CIB4: variants seen among roughly 807,000 people sequenced by gnomAD.
The protein encoded by CIB4 is calcium and integrin-binding family member 4.
Under a neutral mutation model 25.8 loss-of-function variants are expected in CIB4, and 25 were observed. The ratio of observed to expected loss-of-function variants is 0.97; its 90% CI spans 0.71 to 1.35. The LOEUF is 1.35. Among genes scored for constraint, CIB4 ranks in the 40% most tolerant of loss-of-function variants. CIB4 has a pLI of 0.00. For synonymous variants in CIB4, 75 were observed against 81.4 expected (o/e 0.92, Z 0.42); for missense variants, 235 against 228.2 (o/e 1.03, Z -0.19).
At chr2:26,606,490 C>T (rs1408839391) in intron 3 of CIB4, among the ~76,000 whole-genome samples, 1 of 152,132 alleles carries the variant, frequency 6.6e-6, no homozygotes, top group East Asian at 1.9e-4. Context: ...AGAGGACTCC[C>T]CCCTCCTCCC....
chr2:26,617,832 CAGG>C, intron 3 of CIB4, among the ~76,000 whole-genome samples: 1 of 152,286 alleles, frequency 6.6e-6, no homozygotes, highest in East Asian at 1.9e-4. Context: ...TCGTGACAGC[CAGG>C]AGGTCAGGCA....
At chr2:26,603,496 T>A (rs183494497) in intron 3 of CIB4, among the ~76,000 whole-genome samples, 1 of 152,294 alleles carries the variant, frequency 6.6e-6, no homozygotes, top group Admixed American at 6.5e-5. Flanking sequence ...AGGTACACAG[T>A]CTTGTCTTAC....
chr2:26,603,122 G>C (rs1467412527), intron 3 of CIB4, among the ~76,000 whole-genome samples: 1 of 152,100 alleles, frequency 6.6e-6, no homozygotes, highest in Non-Finnish European at 1.5e-5. Flanking sequence ...GTCTAATTAT[G>C]AGAAAACATC....
intron 3 of CIB4, among the ~76,000 whole-genome samples, chr2:26,619,354 T>C (rs1669158084): frequency 6.6e-6 from 1 of 151,948 alleles, no homozygotes; most frequent in Non-Finnish European, 1.5e-5. Context: ...ACCAGCCTCA[T>C]GGAGCGCTTG....
chr2:26,592,668 C>T (rs932336588), intron 4 of CIB4, among the ~76,000 whole-genome samples: 3 of 152,242 alleles, frequency 2.0e-5, no homozygotes, highest in Non-Finnish European at 2.9e-5. Context: ...CTCTGTTCTT[C>T]AGATTAAGTT....
chr2:26,630,061 G>A (rs975151656), intron 2 of CIB4, among the ~76,000 whole-genome samples: 21 of 152,344 alleles, frequency 1.4e-4, no homozygotes, highest in South Asian at 8.3e-4. Flanking sequence ...GGTTGCAGCA[G>A]ATCGTGGACT....
At chr2:26,597,708 A>T (rs2148199337) in intron 3 of CIB4, among the ~76,000 whole-genome samples, 1 of 152,286 alleles carries the variant, frequency 6.6e-6, no homozygotes, top group Admixed American at 6.5e-5. Flanking sequence ...TATACAGTTT[A>T]TAAATGAATA....
chr2:26,636,093 G>A (rs1352524906), intron 2 of CIB4, among the ~76,000 whole-genome samples: 2 of 152,034 alleles, frequency 1.3e-5, no homozygotes, highest in African/African-American at 4.8e-5. Flanking sequence ...CTTTGCTGTT[G>A]TTTTCACTAT....
At chr2:26,605,249 T>G (rs1668865347) in intron 3 of CIB4, among the ~76,000 whole-genome samples, 1 of 152,176 alleles carries the variant, frequency 6.6e-6, no homozygotes, top group African/African-American at 2.4e-5. Context: ...ACATGGAAAT[T>G]AATAGCATTA....
At chr2:26,583,280 C>G (rs1253480192) in intron 5 of CIB4, among the ~76,000 whole-genome samples, 1 of 152,174 alleles carries the variant, frequency 6.6e-6, no homozygotes, top group Non-Finnish European at 1.5e-5. Flanking sequence ...TAGTCCCCAT[C>G]GAGACTGGAA....
chr2:26,605,652 T>C (rs530535926), intron 3 of CIB4: 2 of 436,296 alleles, frequency 4.6e-6, no homozygotes, highest in African/African-American at 4.1e-5. Context: ...TGGGTCAGCA[T>C]CATTCAGTCA....
At chr2:26,597,417 G>C (rs535500600) in intron 3 of CIB4, among the ~76,000 whole-genome samples, 2 of 144,588 alleles carry the variant, frequency 1.4e-5, no homozygotes, top group Non-Finnish European at 3.0e-5. Flanking sequence ...GATCAGTTAC[G>C]ACAGCTATTA....
In CIB4 at chr2:26,583,474, C is replaced by T. The variant is rs569296814; in HGVS notation, c.438+315G>A. On this transcript the variant is annotated intron_variant, in intron 5 of 6. Coordinates refer to ENST00000288861, the MANE Select transcript of CIB4 (RefSeq NM_001029881.3). ...TGTTGTTGGCCCACCAATGGCAGTC[C>T]CTGTCATGTAGGGAGGCCCCTCGAG... 5.3e-5 allele frequency among the ~76,000 whole-genome samples: 8 copies of T among 152,260 alleles called. No individual in the cohort carries two copies. In the East Asian group the frequency reaches 1.2e-3, roughly 22 times the overall value.
At chr2:26,604,141 A>G (rs1558562343) in intron 3 of CIB4, among the ~76,000 whole-genome samples, 1 of 152,104 alleles carries the variant, frequency 6.6e-6, no homozygotes, top group Non-Finnish European at 1.5e-5. Flanking sequence ...ACACTTTGGG[A>G]GGCAGAGGCA....
chr2:26,623,176 C>T (rs1203750777), intron 3 of CIB4, among the ~76,000 whole-genome samples: 2 of 151,458 alleles, frequency 1.3e-5, no homozygotes, highest in African/African-American at 4.8e-5. Flanking sequence ...GACTCCATCT[C>T]TATGAAAAAC....
At chr2:26,595,050 G>T in intron 4 of CIB4, 126 bp downstream of exon 4, 2 of 870,216 alleles carry the variant, frequency 2.3e-6, no homozygotes, top group Non-Finnish European at 1.8e-6. Flanking sequence ...ATATGACACA[G>T]ACCCACAGAT....
intron 3 of CIB4, among the ~76,000 whole-genome samples, chr2:26,604,654 C>A (rs550885249): frequency 1.3e-5 from 2 of 152,058 alleles, no homozygotes; most frequent in African/African-American, 2.4e-5. Context: ...CAGCAGTAAA[C>A]CAGAGCTACA....
chr2:26,640,026 AG>A (rs1020700109), intron 2 of CIB4, among the ~76,000 whole-genome samples: 1 of 141,744 alleles, frequency 7.1e-6, no homozygotes, highest in Non-Finnish European at 1.5e-5. Context: ...GCATGACAAC[AG>A]GGAGCGGGGC....
At chr2:26,591,444 G>A (rs1668584166) in intron 4 of CIB4, among the ~76,000 whole-genome samples, 1 of 152,174 alleles carries the variant, frequency 6.6e-6, no homozygotes, top group African/African-American at 2.4e-5. Flanking sequence ...GAGAGACGAG[G>A]CAGCCATGGA....
Sources: gnomAD v4.1 joint callset for allele counts (sites outside exome capture counted in the v4.1 genomes callset) on GRCh38, gnomAD v4.1.1 for gene constraint, MANE v1.5 for transcripts, NCBI Gene and HGNC (gene_info 2026-07-23, HGNC 2026-07-21) for gene names.